ANKRD55: variants seen among roughly 807,000 people sequenced by gnomAD.
ANKRD55 encodes ankyrin repeat domain 55, also known as ankyrin repeat domain-containing protein 55.
In ANKRD55, 41 loss-of-function variants were observed where a neutral mutation model predicts 60.6. The ratio of observed to expected loss-of-function variants is 0.68; its 90% confidence interval spans 0.53 to 0.88. ANKRD55 has a LOEUF of 0.88. Among genes scored for constraint, ANKRD55 ranks in the 40% least tolerant of loss-of-function variants. ANKRD55 has a pLI of 0.00. For synonymous variants in ANKRD55, 264 were observed against 290.3 expected, an observed-to-expected ratio of 0.91 and a Z score of 0.92; for missense variants, 732 against 767.6, an observed-to-expected ratio of 0.95 and a Z score of 0.55.
intron 7 of ANKRD55, chr5:56,137,393 C>A: frequency 1.0e-6 from 1 of 984,480 alleles, no homozygotes; most frequent in Non-Finnish European, 1.6e-6. Flanking sequence ...TTAACCCATA[C>A]ATGAGCTCTC....
chr5:56,189,757 G>A (rs1759050429), intron 2 of ANKRD55, among the ~76,000 whole-genome samples: 1 of 151,970 alleles, frequency 6.6e-6, no homozygotes, highest in East Asian at 1.9e-4. Flanking sequence ...CCATCTTTTG[G>A]CTATTGTGAA....
At chr5:56,150,916 A>AT (rs1386514104) in intron 6 of ANKRD55, among the ~76,000 whole-genome samples, 1 of 152,214 alleles carries the variant, frequency 6.6e-6, no homozygotes, top group Non-Finnish European at 1.5e-5. Context: ...AAATAAATAA[A>AT]AGAATGTTTT....
chr5:56,210,618 C>CCTT (rs1263670578), intron 2 of ANKRD55, among the ~76,000 whole-genome samples: 2 of 150,682 alleles, frequency 1.3e-5, no homozygotes, highest in Non-Finnish European at 3.0e-5. Flanking sequence ...AGACACTAAC[C>CCTT]CTTCATCTGT....
intron 8 of ANKRD55, among the ~76,000 whole-genome samples, chr5:56,125,283 CT>C (rs869302717): frequency 4.7e-5 from 7 of 147,562 alleles, no homozygotes; most frequent in South Asian, 4.3e-4. Context: ...TTTCTTTTTT[CT>C]TTTTTTTTTT....
intron 9 of ANKRD55, among the ~76,000 whole-genome samples, chr5:56,114,753 A>G (rs979832863): frequency 6.6e-6 from 1 of 152,240 alleles, no homozygotes. Flanking sequence ...AACCTTTAAG[A>G]AACTGCTGCT....
At chr5:56,160,247 T>C (rs1758292916) in intron 5 of ANKRD55, among the ~76,000 whole-genome samples, 1 of 152,146 alleles carries the variant, frequency 6.6e-6, no homozygotes, top group African/African-American at 2.4e-5. Context: ...TTATTATGAT[T>C]TTTTTCTTTG....
At chr5:56,153,080 G>A (rs465325) in intron 6 of ANKRD55, among the ~76,000 whole-genome samples, 142,311 of 152,240 alleles carry the variant, frequency 0.93, 66,705 homozygotes, top group African/African-American at 0.97. Context: ...AACTCCTATA[G>A]ATCAATAAGA....
intron 9 of ANKRD55, among the ~76,000 whole-genome samples, chr5:56,113,219 T>G (rs1286352704): frequency 6.6e-6 from 1 of 152,210 alleles, no homozygotes; most frequent in Non-Finnish European, 1.5e-5. Context: ...CATTAAACTC[T>G]ATTCATAATA....
intron 2 of ANKRD55, among the ~76,000 whole-genome samples, chr5:56,228,303 T>C (rs1760168641): frequency 6.6e-6 from 1 of 152,046 alleles, no homozygotes; most frequent in Non-Finnish European, 1.5e-5. Context: ...AGAGGAGCGA[T>C]GCACACAGAC....
intron 2 of ANKRD55, among the ~76,000 whole-genome samples, chr5:56,205,079 G>A (rs1253849478): frequency 1.3e-5 from 2 of 148,488 alleles, no homozygotes; most frequent in Non-Finnish European, 3.0e-5. Flanking sequence ...TTTTTCTTTT[G>A]AGACAGAGTC....
At chr5:56,184,769 G>A (rs1366397971) in intron 2 of ANKRD55, among the ~76,000 whole-genome samples, 1 of 151,950 alleles carries the variant, frequency 6.6e-6, no homozygotes, top group Non-Finnish European at 1.5e-5. Context: ...ATTGTGGTGG[G>A]TACCTGTAGT....
At chr5:56,175,487 A>G (rs1392388339) in intron 4 of ANKRD55, among the ~76,000 whole-genome samples, 1 of 152,174 alleles carries the variant, frequency 6.6e-6, no homozygotes, top group Non-Finnish European at 1.5e-5. Flanking sequence ...GGATTGCAGG[A>G]AGAGTTTGAG....
chr5:56,215,725 A>G (rs1411203601), intron 2 of ANKRD55, among the ~76,000 whole-genome samples: 1 of 152,180 alleles, frequency 6.6e-6, no homozygotes, highest in Admixed American at 6.5e-5. Flanking sequence ...AAGTTATGTA[A>G]CCTCAGATGG....
intron 10 of ANKRD55, among the ~76,000 whole-genome samples, chr5:56,104,768 T>G (rs1756403090): frequency 2.0e-5 from 3 of 152,068 alleles, no homozygotes; most frequent in Admixed American, 6.5e-5. Context: ...AAGCAAGGCG[T>G]TCAGGAGGGG....
At chr5:56,232,992 A>G in intron 1 of ANKRD55, 46 bp from the exon 2 acceptor site, 1 of 1,327,508 alleles carries the variant, frequency 7.5e-7, no homozygotes, top group African/African-American at 1.5e-5. Context: ...TCAACATGAC[A>G]GTCAGAGGCA....
At position 56,100,096 on chromosome 5, in the gene ANKRD55, T is replaced by C; in HGVS notation, c.*87A>G. On this transcript the variant is annotated 3_prime_UTR_variant, in exon 12 of 12. Coordinates refer to ENST00000341048, the MANE Select transcript of ANKRD55 (RefSeq NM_024669.3). ...TATAGAATGCAGCTTACTAAATTGG[T>C]CTTCGTTCTTACAAACTGGAGTAAT... is the stretch of plus-strand genomic sequence containing the variant. 1 of 1,574,050 alleles carries C rather than the reference T, an allele frequency of 6.4e-7. No individual in the cohort carries two copies. Among genetic ancestry groups the C allele is most frequent in the East Asian group, 2.2e-5 (1 of 44,496 alleles).
chr5:56,194,746 A>G (rs957845348), intron 2 of ANKRD55, among the ~76,000 whole-genome samples: 1 of 152,214 alleles, frequency 6.6e-6, no homozygotes, highest in African/African-American at 2.4e-5. Context: ...TCCCAAATTT[A>G]CCCATTGTTA....
rs138465010 is a variant in ANKRD55 at position 56,111,390 on chromosome 5, G to C, written c.1358C>G (p.Ala453Gly). Reference sequence around the variant, plus strand: ...AGAGCTCAGGCCTGCATGGGAAGTGGCCCTATGGGAGGCTGTTAGGAAGTT... The same window carrying C: ...AGAGCTCAGGCCTGCATGGGAAGTGCCCCTATGGGAGGCTGTTAGGAAGTT... ...GNNFLTASHR[A>G]TSHAGLSSAP... Residue 453 changes from alanine to glycine, a missense_variant, in exon 10 of 12, where the codon GCC becomes GGC. This residue lies in a region of ANKRD55 where 597 missense variants were observed against 607.5 expected (regional missense o/e 0.98). Transcript: ENST00000341048. 6.2e-7 allele frequency: 1 copy of C among 1,614,048 alleles called. No homozygotes were observed. The highest frequency in any genetic ancestry group is 1.3e-5 in the African/African-American group (1 of 74,948).
chr5:56,164,592 G>C (rs918043979), intron 5 of ANKRD55, among the ~76,000 whole-genome samples: 1 of 152,222 alleles, frequency 6.6e-6, no homozygotes, highest in Admixed American at 6.5e-5. Context: ...CCCCGTGGCT[G>C]CTTTCAGAGA....
Sources: gnomAD v4.1 joint callset for allele counts (sites outside exome capture counted in the v4.1 genomes callset) on GRCh38, gnomAD v4.1.1 for gene constraint, gnomAD v4.1.1 regional missense constraint, MANE v1.5 for transcripts, NCBI Gene and HGNC (gene_info 2026-07-23, HGNC 2026-07-21) for gene names.